GP6: variants seen among roughly 807,000 people sequenced by gnomAD.
GP6 encodes glycoprotein VI platelet.
Under a neutral mutation model 37.3 loss-of-function variants are expected in GP6, and 45 were observed. That is an observed-to-expected ratio of 1.21 (90% CI 0.95 to 1.55). The LOEUF (loss-of-function observed/expected upper bound fraction) is 1.55, where lower values mean the gene tolerates loss of function less well. Among genes scored for constraint, GP6 ranks in the 40% most tolerant of loss-of-function variants. The probability of loss-of-function intolerance (pLI) is 0.00; values close to 1 mark genes in which losing one functional copy is unlikely to be tolerated. For synonymous variants in GP6, 340 were observed against 316.4 expected (o/e 1.07, Z -0.79); for missense variants, 813 against 760.2 (o/e 1.07, Z -0.82).
chr19:55,015,220 C>T (rs1032087504), intron 7 of GP6, 55 bp from the exon 8 acceptor site: 41 of 1,549,842 alleles, frequency 2.6e-5, no homozygotes, highest in African/African-American at 1.2e-4. Context: ...CCAGGACCCC[C>T]TCCAAGCCAC....
In GP6 at chr19:55,032,187, C is replaced by G; in HGVS notation, c.277G>C (p.Gly93Arg). ...TCGCTGGGCAGGGACCAGAGGCTTC[C>G]GTTCTGGTAGGAGCAGCGGTAGCGT... The change falls in exon 3 of 8, where the codon GGA becomes CGA. Residue 93 changes from glycine to arginine, a missense_variant. Coordinates refer to ENST00000310373, the MANE Select transcript of GP6 (RefSeq NM_001083899.2). 1 of 1,613,888 alleles carries G rather than the reference C, an allele frequency of 6.2e-7. No homozygotes were observed. The highest frequency in any genetic ancestry group is 8.5e-7 in the Non-Finnish European group (1 of 1,179,810).
chr19:55,021,201 G>GGA (rs758654106), intron 5 of GP6, among the ~76,000 whole-genome samples: 22 of 127,416 alleles, frequency 1.7e-4, no homozygotes, highest in Non-Finnish European at 2.6e-4. Context: ...TCTACTAAAA[G>GGA]AAAAAAAAAA....
rs116113450 is a variant in GP6, at chr19:55,025,045, A to G, written c.664+173T>C. On this transcript the variant is annotated intron_variant, in intron 5 of 7. Coordinates refer to ENST00000310373, the MANE Select transcript of GP6 (RefSeq NM_001083899.2). ...GATTGGGGGCAGCATCTTAACATCT[A>G]ACTACTTAGGACACCCACCCTGTTT... is the stretch of plus-strand genomic sequence containing the variant. Among the ~76,000 whole-genome samples, 998 of 152,322 alleles carry G rather than the reference A, an allele frequency of 6.6e-3. 17 individuals carry two copies. The highest frequency in any genetic ancestry group is 0.023 in the African/African-American group (942 of 41,566).
intron 2 of GP6, 31 bp downstream of exon 2, chr19:55,032,475 C>T: frequency 6.2e-7 from 1 of 1,613,756 alleles, no homozygotes; most frequent in Non-Finnish European, 8.5e-7. Flanking sequence ...GCGGATCCCG[C>T]AGGAGGGAAG....
At chr19:55,037,130 T>G (rs1030542408) in intron 1 of GP6, among the ~76,000 whole-genome samples, 1 of 152,228 alleles carries the variant, frequency 6.6e-6, no homozygotes, top group South Asian at 2.1e-4. Flanking sequence ...TTCTTCCTGC[T>G]TAGCCTTTTG....
chr19:55,034,909 C>A (rs1177306883), intron 1 of GP6, among the ~76,000 whole-genome samples: 1 of 152,156 alleles, frequency 6.6e-6, no homozygotes, highest in African/African-American at 2.4e-5. Flanking sequence ...AGCCACCACC[C>A]TTTGTCCACC....
chr19:55,027,500 C>T, intron 4 of GP6, 78 bp downstream of exon 4: 1 of 1,234,940 alleles, frequency 8.1e-7, no homozygotes, highest in Non-Finnish European at 1.2e-6. Context: ...TTCCTTCCCA[C>T]TTATGGCCCC....
At position 55,025,214 on chromosome 19, in the gene GP6, C is replaced by A; in HGVS notation, c.664+4G>T. The A allele has an allele frequency of 6.5e-7, 1 of 1,529,854 alleles. No homozygotes were observed. Among genetic ancestry groups the A allele is most frequent in the Non-Finnish European group, 8.9e-7 (1 of 1,126,694 alleles). 94.8% of individuals were successfully genotyped at this position (1,529,854 alleles called of 1,614,324 possible). ...TGCACCAGAATGGACCCTGCAGAAC[C>A]TACCTGCTACCGGGGAAGGTGGTTC... On this transcript the variant is annotated splice_donor_region_variant and intron_variant, in intron 5 of 7. Transcript: ENST00000310373.
At chr19:55,023,774 GATAC>G (rs1229935111) in intron 5 of GP6, among the ~76,000 whole-genome samples, 1 of 152,158 alleles carries the variant, frequency 6.6e-6, no homozygotes, top group East Asian at 1.9e-4. Context: ...ACACATCATT[GATAC>G]ATACAGCAGC....
chr19:55,017,960 C>T (rs74682777), intron 6 of GP6, among the ~76,000 whole-genome samples: 7,416 of 151,960 alleles, frequency 0.049, 319 homozygotes, highest in East Asian at 0.15. Flanking sequence ...CCCAGCTACT[C>T]GGGAGGCTGA....
At chr19:55,033,623 C>T (rs2074698151) in intron 1 of GP6, among the ~76,000 whole-genome samples, 2 of 152,312 alleles carry the variant, frequency 1.3e-5, no homozygotes, top group South Asian at 4.1e-4. Context: ...GCTGTCCCTT[C>T]GTTTCCTCCC....
rs954390201 is a variant in GP6, at chr19:55,019,273, C to CT, written c.665-563dup. On this transcript the variant is annotated intron_variant, in intron 5 of 7. Coordinates refer to ENST00000310373, the MANE Select transcript of GP6 (RefSeq NM_001083899.2). ...GGCACCTGCCATCACGCCTGGCCAA[C>CT]TTTTTTTTTTGTACTTTAGTAGAGG... Among the ~76,000 whole-genome samples, 473 of 147,392 alleles carry CT rather than the reference C, an allele frequency of 3.2e-3. 8 individuals carry two copies. The highest frequency in any genetic ancestry group is 0.011 in the African/African-American group (449 of 40,364).
rs2073765492 is a variant in GP6 at position 55,014,353 on chromosome 19, A to G, written c.1592T>C (p.Leu531Pro). The G allele has an allele frequency of 3.7e-6, 6 of 1,611,380 alleles. No homozygotes were observed. The highest frequency in any genetic ancestry group is 1.3e-5 in the African/African-American group (1 of 74,960). The change falls in exon 8 of 8, where the codon CTT (leucine) becomes CCT (proline). Residue 531 changes from leucine to proline, a missense_variant. By Grantham distance (98) the Leu-to-Pro change is moderately conservative (BLOSUM62 -3). Coordinates refer to ENST00000310373, the MANE Select transcript of GP6 (RefSeq NM_001083899.2). ...GATCTTGTTTTCTAATGTGAAGGGAAGCGGGCAACGTGCTAGTTTTACACT... is the reference window on the plus strand; with the variant it reads ...GATCTTGTTTTCTAATGTGAAGGGAGGCGGGCAACGTGCTAGTTTTACACT...
intron 5 of GP6, among the ~76,000 whole-genome samples, chr19:55,019,969 C>T (rs925107604): frequency 6.6e-5 from 10 of 152,180 alleles, no homozygotes; most frequent in Admixed American, 1.3e-4. Flanking sequence ...TGAGCCACCG[C>T]GCCCGGCCAG....
intron 3 of GP6, among the ~76,000 whole-genome samples, chr19:55,031,242 TGTCA>T (rs1358480039): frequency 6.6e-6 from 1 of 152,230 alleles, no homozygotes; most frequent in African/African-American, 2.4e-5. Context: ...GGAACTTTTC[TGTCA>T]GTCTAAAAAT....
intron 5 of GP6, among the ~76,000 whole-genome samples, chr19:55,019,834 C>G (rs892091039): frequency 6.6e-6 from 1 of 152,010 alleles, no homozygotes; most frequent in African/African-American, 2.4e-5. Context: ...CCCGCCACCA[C>G]GCCTGGCTAA....
intron 1 of GP6, among the ~76,000 whole-genome samples, chr19:55,037,630 T>A: frequency 7.8e-6 from 1 of 129,002 alleles, no homozygotes; most frequent in East Asian, 2.3e-4. Context: ...AGCCTTTTTT[T>A]TTTTTTTTTT....
chr19:55,022,262 T>G (rs1474727387), intron 5 of GP6, among the ~76,000 whole-genome samples: 1 of 152,218 alleles, frequency 6.6e-6, no homozygotes, highest in African/African-American at 2.4e-5. Flanking sequence ...GATTTTCTTC[T>G]AGGGTTTTTA....
intron 3 of GP6, among the ~76,000 whole-genome samples, chr19:55,030,262 A>C (rs2074508138): frequency 1.3e-5 from 2 of 152,202 alleles, no homozygotes. Flanking sequence ...ACTTGAGCCC[A>C]GGGATTTGAG....
Sources: allele counts gnomAD v4.1 joint callset (sites outside exome capture counted in the v4.1 genomes callset), GRCh38; gene constraint gnomAD v4.1.1; transcripts MANE v1.5; gene names NCBI Gene and HGNC (gene_info 2026-07-23, HGNC 2026-07-21).